The following DIP2C variants were observed in gnomAD, a reference collection of about 807,000 sequenced individuals.
DIP2C encodes disco-interacting protein 2 homolog C.
DIP2C carries 33 observed loss-of-function variants against 192.4 expected under a neutral mutation model. The ratio of observed to expected loss-of-function variants is 0.17; its 90% CI spans 0.13 to 0.23. DIP2C has a LOEUF of 0.23. DIP2C is among the 10% of genes least tolerant of loss of function. The probability of loss-of-function intolerance (pLI) is 1.00; values close to 1 mark genes in which losing one functional copy is unlikely to be tolerated. For missense variants in DIP2C, 1,537 were observed against 2,110.1 expected, an observed-to-expected ratio of 0.73 and a Z score of 5.32; for synonymous variants, 979 against 864.1, an observed-to-expected ratio of 1.13 and a Z score of -2.33.
intron 10 of DIP2C, among the ~76,000 whole-genome samples, chr10:391,172 T>C (rs1963427685): frequency 6.6e-6 from 1 of 152,248 alleles, no homozygotes; most frequent in Admixed American, 6.5e-5. Flanking sequence ...CCTGCTGTTA[T>C]AGCTCTCTCC....
chr10:297,568 G>A (rs1365022808), intron 32 of DIP2C, among the ~76,000 whole-genome samples: 3 of 152,090 alleles, frequency 2.0e-5, no homozygotes, highest in African/African-American at 7.3e-5. Flanking sequence ...AAATAAGCCA[G>A]GAATAGAAAG....
chr10:487,282 T>C (rs940110503), intron 1 of DIP2C, among the ~76,000 whole-genome samples: 10 of 152,206 alleles, frequency 6.6e-5, no homozygotes, highest in Non-Finnish European at 1.2e-4. Flanking sequence ...TATTGTTTTC[T>C]AAGACTGATC....
chr10:379,424 G>GAT (rs1962115340), intron 17 of DIP2C, among the ~76,000 whole-genome samples: 1 of 152,154 alleles, frequency 6.6e-6, no homozygotes, highest in Admixed American at 6.5e-5. Context: ...TTGCAAGAGT[G>GAT]ATATGAAGAT....
At chr10:470,775 G>A (rs147195936) in intron 3 of DIP2C, among the ~76,000 whole-genome samples, 17 of 152,338 alleles carry the variant, frequency 1.1e-4, no homozygotes, top group African/African-American at 3.4e-4. Flanking sequence ...CTCCTGCGAG[G>A]AGCGACCCCG....
chr10:471,444 G>A (rs1970622758), intron 3 of DIP2C, among the ~76,000 whole-genome samples: 1 of 151,942 alleles, frequency 6.6e-6, no homozygotes, highest in African/African-American at 2.4e-5. Context: ...GGCTTTCCTC[G>A]AACACCAGGT....
chr10:406,109 T>C (rs928777015), intron 9 of DIP2C, among the ~76,000 whole-genome samples: 3 of 152,228 alleles, frequency 2.0e-5, no homozygotes, highest in African/African-American at 7.2e-5. Context: ...TTTGTGATTA[T>C]TATCATATGG....
intron 1 of DIP2C, among the ~76,000 whole-genome samples, chr10:626,745 ATTG>A (rs1264865262): frequency 1.4e-5 from 2 of 139,166 alleles, no homozygotes; most frequent in African/African-American, 6.6e-5. Flanking sequence ...GGTCACGCCG[ATTG>A]TCAGGCCCTC....
At chr10:594,865 G>C (rs1190266818) in intron 1 of DIP2C, among the ~76,000 whole-genome samples, 1 of 152,214 alleles carries the variant, frequency 6.6e-6, no homozygotes, top group Non-Finnish European at 1.5e-5. Flanking sequence ...GAAATGATGA[G>C]CCTGATTCGG....
At position 297,842 on chromosome 10, in the gene DIP2C, G is replaced by A. The variant is rs112539573; in HGVS notation, c.3987-9421C>T. ...TCCCAAAGAAATGATGCACGCTCCC[G>A]ATCTAATATCCCGATCTGCTAACTA... is the stretch of plus-strand genomic sequence containing the variant. On this transcript the variant is annotated intron_variant, in intron 32 of 36. Transcript: ENST00000280886. 4.0e-3 allele frequency among the ~76,000 whole-genome samples: 610 copies of A among 152,234 alleles called. 1 individual carries two copies. Among genetic ancestry groups the A allele is most frequent in the Middle Eastern group, 0.024 (7 of 294 alleles).
intron 1 of DIP2C, among the ~76,000 whole-genome samples, chr10:600,180 T>G (rs1015783820): frequency 4.6e-5 from 7 of 152,036 alleles, no homozygotes; most frequent in African/African-American, 1.5e-4. Context: ...AGGGAAGACA[T>G]TTGGTTACGA....
In DIP2C at chr10:460,104, T is replaced by C. The variant is rs572850547; in HGVS notation, c.268+12335A>G. Among the ~76,000 whole-genome samples, 3 of 152,076 alleles carry C rather than the reference T, an allele frequency of 2.0e-5. No individual in the cohort carries two copies. The East Asian group carries it at 5.8e-4, about 30-fold the overall frequency. ...AAGGGATCGCGTGCTGCACGTGGGCTCTAGGATCTTCCTCTCACAGTCACA... is the reference window on the plus strand; with the variant it reads ...AAGGGATCGCGTGCTGCACGTGGGCCCTAGGATCTTCCTCTCACAGTCACA... On this transcript the variant is annotated intron_variant, in intron 3 of 36. Transcript: ENST00000280886.
intron 1 of DIP2C, among the ~76,000 whole-genome samples, chr10:606,506 G>GA (rs749478833): frequency 3.3e-5 from 5 of 150,256 alleles, no homozygotes; most frequent in South Asian, 2.2e-4. Flanking sequence ...GTTGGGAGGG[G>GA]ATCTCACGGC....
chr10:521,634 G>A (rs1846711921), intron 1 of DIP2C, among the ~76,000 whole-genome samples: 1 of 152,188 alleles, frequency 6.6e-6, no homozygotes, highest in Non-Finnish European at 1.5e-5. Flanking sequence ...TAACTTTGTA[G>A]TGAGTTACTT....
At chr10:541,264 GAC>G (rs1480269716) in intron 1 of DIP2C, among the ~76,000 whole-genome samples, 5 of 152,156 alleles carry the variant, frequency 3.3e-5, no homozygotes, top group Admixed American at 6.5e-5. Flanking sequence ...CTCTGTCACA[GAC>G]ACACACACCC....
At chr10:284,877 A>C (rs1216504812) in intron 34 of DIP2C, among the ~76,000 whole-genome samples, 1 of 152,190 alleles carries the variant, frequency 6.6e-6, no homozygotes, top group Non-Finnish European at 1.5e-5. Context: ...AACCTCATAA[A>C]GCGGAAAAAA....
chr10:563,138 C>G (rs12242090), intron 1 of DIP2C, among the ~76,000 whole-genome samples: 7,187 of 152,254 alleles, frequency 0.047, 218 homozygotes, highest in East Asian at 0.08. Context: ...TATCATAAAT[C>G]AGACACCATC....
intron 1 of DIP2C, chr10:650,530 C>T (rs531728154): frequency 3.0e-6 from 2 of 670,164 alleles, no homozygotes; most frequent in Admixed American, 4.3e-5. Flanking sequence ...GCTGGTCCCC[C>T]CATGACAGCC....
intron 29 of DIP2C, chr10:340,694 T>C (rs865800512): frequency 1.8e-5 from 8 of 452,360 alleles, no homozygotes; most frequent in Middle Eastern, 3.3e-4. Flanking sequence ...AAATACTTGC[T>C]GAGCACCTGC....
Position 390,318 on chromosome 10 carries a change from G to T in DIP2C, c.1440C>A (p.Pro480=). 1 of 1,613,962 alleles carries T rather than the reference G, an allele frequency of 6.2e-7. No individual in the cohort carries two copies. The highest frequency in any genetic ancestry group is 8.5e-7 in the Non-Finnish European group (1 of 1,180,010). ...CTTTAATGTGTGGGAACCAGTCTCG[G>T]GGCGGTTTGGAGAGATGTTTAGACT... is the stretch of plus-strand genomic sequence containing the variant. ...VTESKHLSKP[P]RDWFPHIKDA... Residue 480 remains proline (P), a synonymous_variant, in exon 12 of 37, where the codon CCC becomes CCA. Coordinates refer to ENST00000280886, the MANE Select transcript of DIP2C (RefSeq NM_014974.3).
Sources: allele counts gnomAD v4.1 joint callset (sites outside exome capture counted in the v4.1 genomes callset), GRCh38; gene constraint gnomAD v4.1.1; transcripts MANE v1.5; gene names NCBI Gene and HGNC (gene_info 2026-07-23, HGNC 2026-07-21).